Variants in LRRTM3 observed in about 807,000 individuals in gnomAD.
LRRTM3 encodes leucine rich repeat transmembrane neuronal 3.
Under a neutral mutation model 44.7 loss-of-function variants are expected in LRRTM3, and 24 were observed. That is an observed-to-expected ratio of 0.54 (90% CI 0.39 to 0.76). LRRTM3 has a LOEUF of 0.76. Among genes scored for constraint, LRRTM3 ranks in the 30% least tolerant of loss-of-function variants. The pLI, the probability that LRRTM3 is intolerant of heterozygous loss-of-function variation, is 0.00. For missense variants in LRRTM3, 587 were observed against 702.2 expected (o/e 0.84, Z 1.85); for synonymous variants, 277 against 278.7 (o/e 0.99, Z 0.06).
At chr10:67,033,401 G>C (rs1383378277) in intron 2 of LRRTM3, among the ~76,000 whole-genome samples, 3 of 152,010 alleles carry the variant, frequency 2.0e-5, no homozygotes, top group Admixed American at 2.0e-4. Flanking sequence ...CAATTTTTGA[G>C]GAAATTTTTG....
At chr10:67,013,241 T>C (rs554351342) in intron 2 of LRRTM3, among the ~76,000 whole-genome samples, 1 of 151,532 alleles carries the variant, frequency 6.6e-6, no homozygotes, top group Non-Finnish European at 1.5e-5. Context: ...TAATACTCTA[T>C]TAAGTTGCCT....
intron 1 of LRRTM3, 114 bp from the exon 2 acceptor site, chr10:66,926,807 A>C: frequency 1.0e-6 from 1 of 1,000,164 alleles, no homozygotes; most frequent in Non-Finnish European, 1.4e-6. Flanking sequence ...ATGTGATGTT[A>C]AGTGTTATTT....
chr10:67,005,371 C>T (rs541247963), intron 2 of LRRTM3, among the ~76,000 whole-genome samples: 194 of 152,174 alleles, frequency 1.3e-3, no homozygotes, highest in African/African-American at 4.4e-3. Flanking sequence ...ATCACTTCCC[C>T]CAAGCAGACA....
At chr10:67,030,534 A>C (rs1853650050) in intron 2 of LRRTM3, among the ~76,000 whole-genome samples, 1 of 151,760 alleles carries the variant, frequency 6.6e-6, no homozygotes, top group South Asian at 2.1e-4. Context: ...AAGTGCCCCA[A>C]AGGAGTGATT....
At chr10:67,032,028 A>G (rs1201156867) in intron 2 of LRRTM3, among the ~76,000 whole-genome samples, 1 of 152,194 alleles carries the variant, frequency 6.6e-6, no homozygotes, top group Non-Finnish European at 1.5e-5. Flanking sequence ...GGCCATGCAT[A>G]ATTTGTCTGC....
chr10:67,094,883 T>C (rs1206800659), intron 2 of LRRTM3, among the ~76,000 whole-genome samples: 1 of 151,686 alleles, frequency 6.6e-6, no homozygotes, highest in Non-Finnish European at 1.5e-5. Context: ...GTATACTATA[T>C]TTACATGAAT....
chr10:66,927,477 C>CCTGGGATATAACCGGAT lies in LRRTM3; in HGVS notation c.563_579dup (p.Arg194TrpfsTer9). The CCTGGGATATAACCGGAT allele has an allele frequency of 6.2e-7, 1 of 1,614,074 alleles. No individual in the cohort carries two copies. Among genetic ancestry groups the CCTGGGATATAACCGGAT allele is most frequent in the East Asian group, 2.2e-5 (1 of 44,860 alleles). On this transcript the variant is annotated frameshift_variant, in exon 2 of 3. Transcript: ENST00000361320. LOFTEE classifies it high-confidence loss of function. This position sits in a 1 kb window ranked among gnomAD's most constrained non-coding sequence, Gnocchi z 4.7. ...ACTGCCGCAACCTGGAACTTTTGGA[C>CCTGGGATATAACCGGAT]CTGGGATATAACCGGATCCGAAGTT...
Position 67,058,235 on chromosome 10 carries a change from C to T in LRRTM3, c.1537-39352C>T, listed in dbSNP as rs547209458. On this transcript the variant is annotated intron_variant, in intron 2 of 2. Transcript: ENST00000361320. ...ACCCCCAACCACTACACTGCAACAA[C>T]TTACAAAAGTATTCTGGGATTATGC... 7.2e-5 allele frequency among the ~76,000 whole-genome samples: 11 copies of T among 152,326 alleles called. No homozygotes were observed. In the South Asian group the frequency reaches 2.3e-3, roughly 32 times the overall value.
At chr10:66,952,728 C>T (rs1389066985) in intron 2 of LRRTM3, among the ~76,000 whole-genome samples, 4 of 151,920 alleles carry the variant, frequency 2.6e-5, no homozygotes, top group African/African-American at 4.8e-5. Context: ...TATCAATGTA[C>T]CCATTATTTA....
chr10:66,951,416 C>T (rs1335286691), intron 2 of LRRTM3, among the ~76,000 whole-genome samples: 1 of 152,108 alleles, frequency 6.6e-6, no homozygotes, highest in African/African-American at 2.4e-5. Flanking sequence ...ATGCCCAGCC[C>T]AACACCATAT....
intron 2 of LRRTM3, among the ~76,000 whole-genome samples, chr10:66,993,844 G>A (rs112374696): frequency 2.8e-4 from 42 of 151,842 alleles, no homozygotes; most frequent in Admixed American, 7.2e-4. Flanking sequence ...TATGTCCTTC[G>A]TCTAAGCTTT....
intron 2 of LRRTM3, among the ~76,000 whole-genome samples, chr10:67,026,556 C>G (rs1853400389): frequency 6.6e-6 from 1 of 152,002 alleles, no homozygotes; most frequent in Non-Finnish European, 1.5e-5. Flanking sequence ...GAGGAACATG[C>G]CTTCAAATAG....
At position 67,054,182 on chromosome 10, in the gene LRRTM3, C is replaced by T. The variant is rs572762126; in HGVS notation, c.1537-43405C>T. 4.6e-5 allele frequency among the ~76,000 whole-genome samples: 6 copies of T among 130,122 alleles called. No individual in the cohort carries two copies. In the Admixed American group the frequency reaches 4.9e-4, roughly 11 times the overall value. The allele number at this position is 130,122 out of a possible 152,430, so 85.4% of individuals were successfully genotyped here. A position where few individuals can be genotyped will look rare whatever the true frequency, so the allele number is the denominator to read the frequency against. ...GGAGGTACTTCAAGATCAGTCAGTG[C>T]CTCCTGGTTATTAAAAAAAAAACTT... On this transcript the variant is annotated intron_variant, in intron 2 of 2. Transcript: ENST00000361320.
At chr10:67,088,380 C>T (rs1356946371) in intron 2 of LRRTM3, among the ~76,000 whole-genome samples, 3 of 151,754 alleles carry the variant, frequency 2.0e-5, no homozygotes, top group Non-Finnish European at 4.4e-5. Flanking sequence ...ATAGCCAATC[C>T]ATATTTATTT....
chr10:66,963,783 G>T (rs1849251228), intron 2 of LRRTM3, among the ~76,000 whole-genome samples: 1 of 152,000 alleles, frequency 6.6e-6, no homozygotes, highest in Admixed American at 6.6e-5. Flanking sequence ...GCAGAATTTG[G>T]GCTAGAAAGT....
chr10:67,020,672 T>C (rs1665101089), intron 2 of LRRTM3, among the ~76,000 whole-genome samples: 1 of 152,178 alleles, frequency 6.6e-6, no homozygotes, highest in Admixed American at 6.5e-5. Flanking sequence ...AAAATTCAGA[T>C]TTGGACATCA....
At chr10:67,012,206 A>G (rs1852380431) in intron 2 of LRRTM3, 1 of 152,240 alleles carries the variant, frequency 6.6e-6, no homozygotes, top group African/African-American at 2.4e-5. Flanking sequence ...GTCACAGAGT[A>G]TGAAGAATGT....
chr10:66,999,843 T>C (rs570769258), intron 2 of LRRTM3, among the ~76,000 whole-genome samples: 2 of 152,340 alleles, frequency 1.3e-5, no homozygotes, highest in African/African-American at 4.8e-5. Context: ...AGTCTTATTT[T>C]CCTAAAATGT....
At chr10:66,960,701 T>C (rs1381024953) in intron 2 of LRRTM3, among the ~76,000 whole-genome samples, 1 of 152,194 alleles carries the variant, frequency 6.6e-6, no homozygotes, top group Non-Finnish European at 1.5e-5. Flanking sequence ...CATAGCATAA[T>C]ATTCCAAATT....
Sources: gnomAD v4.1 joint callset for allele counts (sites outside exome capture counted in the v4.1 genomes callset) on GRCh38, gnomAD v4.1.1 for gene constraint, Gnocchi (gnomAD v3.1) non-coding constraint, MANE v1.5 for transcripts, NCBI Gene and HGNC (gene_info 2026-07-23, HGNC 2026-07-21) for gene names.